OPCML: variants seen among roughly 807,000 people sequenced by gnomAD.
OPCML encodes opioid binding protein/cell adhesion molecule like, also known as opioid-binding protein/cell adhesion molecule.
A neutral mutation model predicts 37.8 loss-of-function variants in OPCML; 13 were observed. That is an observed-to-expected ratio of 0.34 (90% CI 0.22 to 0.55). The LOEUF (loss-of-function observed/expected upper bound fraction) is 0.55, where lower values mean the gene tolerates loss of function less well. Ranked by LOEUF, OPCML falls within the 20% of genes least tolerant of loss-of-function variation. The pLI is 0.91. For missense variants in OPCML, 341 were observed against 435.6 expected (o/e 0.78, Z 1.93); for synonymous variants, 176 against 168.8 (o/e 1.04, Z -0.33).
At chr11:132,603,207 C>G (rs1264668590) in intron 3 of OPCML, among the ~76,000 whole-genome samples, 1 of 152,114 alleles carries the variant, frequency 6.6e-6, no homozygotes, top group Admixed American at 6.6e-5. Flanking sequence ...TTTGTATATT[C>G]ACATGTCTGC....
At chr11:132,791,244 C>G (rs1013199228) in intron 2 of OPCML, among the ~76,000 whole-genome samples, 1 of 152,178 alleles carries the variant, frequency 6.6e-6, no homozygotes, top group Non-Finnish European at 1.5e-5. Context: ...CTTTTGGCCA[C>G]TTCACCTGAG....
intron 2 of OPCML, among the ~76,000 whole-genome samples, chr11:132,901,430 C>G (rs1944058024): frequency 6.6e-6 from 1 of 152,178 alleles, no homozygotes; most frequent in South Asian, 2.1e-4. Flanking sequence ...AACTGTTTCA[C>G]AAAGTTCTTC....
At chr11:132,842,008 G>A (rs1941314005) in intron 2 of OPCML, among the ~76,000 whole-genome samples, 1 of 151,554 alleles carries the variant, frequency 6.6e-6, no homozygotes, top group African/African-American at 2.4e-5. Context: ...TATCTTAAAT[G>A]TTTGAGGTGA....
At position 133,153,085 on chromosome 11, in the gene OPCML, T is replaced by C. The variant is rs149802099; in HGVS notation, c.62-210075A>G. On this transcript the variant is annotated intron_variant, in intron 1 of 7. Coordinates refer to ENST00000524381, the MANE Select transcript of OPCML (RefSeq NM_001012393.5). ...GCACCGCGAGGGTCTTGTGGGCGGCTCTGGAGGAGTTTCGCTTTGGCATCT... is the reference window on the plus strand; with the variant it reads ...GCACCGCGAGGGTCTTGTGGGCGGCCCTGGAGGAGTTTCGCTTTGGCATCT... Among the ~76,000 whole-genome samples, 551 of 152,206 alleles carry C rather than the reference T, an allele frequency of 3.6e-3. 1 individual carries two copies. The highest frequency in any genetic ancestry group is 5.5e-3 in the Non-Finnish European group (377 of 68,026).
At chr11:132,780,017 T>G (rs1946947678) in intron 2 of OPCML, among the ~76,000 whole-genome samples, 1 of 152,170 alleles carries the variant, frequency 6.6e-6, no homozygotes, top group Non-Finnish European at 1.5e-5. Flanking sequence ...TCACATAGTG[T>G]GTGAGAAAAA....
chr11:133,164,027 A>G (rs542112720), intron 1 of OPCML, among the ~76,000 whole-genome samples: 1 of 152,300 alleles, frequency 6.6e-6, no homozygotes, highest in East Asian at 1.9e-4. Flanking sequence ...TTCTACTTAA[A>G]ATAGAGCAGC....
intron 1 of OPCML, among the ~76,000 whole-genome samples, chr11:133,077,615 G>A (rs1591979665): frequency 1.3e-5 from 2 of 152,212 alleles, no homozygotes; most frequent in East Asian, 3.9e-4. Flanking sequence ...ACAGAATTAA[G>A]AATTTCTATT....
chr11:132,561,480 C>A (rs901098922), intron 3 of OPCML, among the ~76,000 whole-genome samples: 17 of 152,198 alleles, frequency 1.1e-4, no homozygotes, highest in African/African-American at 3.6e-4. Context: ...TGTCTGCCAT[C>A]CCCACTCAGT....
chr11:133,053,393 T>C (rs1304634865), intron 1 of OPCML, among the ~76,000 whole-genome samples: 2 of 152,200 alleles, frequency 1.3e-5, no homozygotes, highest in Non-Finnish European at 2.9e-5. Context: ...GTAACTGCCT[T>C]GTTTCTCTGC....
intron 3 of OPCML, among the ~76,000 whole-genome samples, chr11:132,562,708 G>A (rs556971876): frequency 6.6e-6 from 1 of 152,042 alleles, no homozygotes; most frequent in African/African-American, 2.4e-5. Flanking sequence ...CTTTTGATGT[G>A]GGTGGGTCCT....
In OPCML at chr11:132,900,622, C is replaced by T. The variant is rs564894543; in HGVS notation, c.146+42304G>A. On this transcript the variant is annotated intron_variant, in intron 2 of 7. Coordinates refer to ENST00000524381, the MANE Select transcript of OPCML (RefSeq NM_001012393.5). ...GAAGCTCCTAAATGTGCCTTACAGA[C>T]TTGGCACTGTCTCCGCACGCTGTGA... 2.6e-5 allele frequency among the ~76,000 whole-genome samples: 4 copies of T among 152,332 alleles called. No homozygotes were observed. In the East Asian group the frequency reaches 7.7e-4, roughly 29 times the overall value.
intron 1 of OPCML, among the ~76,000 whole-genome samples, chr11:132,984,315 A>C (rs1946645317): frequency 1.3e-5 from 2 of 152,202 alleles, no homozygotes; most frequent in Admixed American, 1.3e-4. Flanking sequence ...TGAATTTCAC[A>C]AATATTTATT....
At chr11:132,631,987 G>T (rs1329805303) in intron 3 of OPCML, among the ~76,000 whole-genome samples, 1 of 152,012 alleles carries the variant, frequency 6.6e-6, no homozygotes, top group Non-Finnish European at 1.5e-5. Context: ...TATAAGTTTT[G>T]TCCAGGTTTT....
chr11:133,519,636 G>T (rs2120689440), intron 1 of OPCML, among the ~76,000 whole-genome samples: 1 of 152,258 alleles, frequency 6.6e-6, no homozygotes, highest in South Asian at 2.1e-4. Context: ...GAACTCTCTT[G>T]TGTTTCTGCT....
intron 4 of OPCML, among the ~76,000 whole-genome samples, chr11:132,514,672 T>C (rs1037450617): frequency 4.6e-5 from 7 of 152,194 alleles, no homozygotes; most frequent in Non-Finnish European, 8.8e-5. Flanking sequence ...AAACTGCCTT[T>C]GTTCCAACTG....
intron 1 of OPCML, among the ~76,000 whole-genome samples, chr11:133,366,506 G>A (rs1463780927): frequency 6.6e-6 from 1 of 152,196 alleles, no homozygotes; most frequent in Non-Finnish European, 1.5e-5. Context: ...GAATTATACT[G>A]AGCTGGGGCT....
intron 1 of OPCML, among the ~76,000 whole-genome samples, chr11:132,967,258 T>G (rs117014671): frequency 0.021 from 3,238 of 152,194 alleles, 50 homozygotes; most frequent in Non-Finnish European, 0.034. Context: ...ACTTACTTAA[T>G]GCCAGTGAGA....
At chr11:133,041,966 A>G (rs1183328201) in intron 1 of OPCML, among the ~76,000 whole-genome samples, 1 of 152,116 alleles carries the variant, frequency 6.6e-6, no homozygotes, top group Non-Finnish European at 1.5e-5. Flanking sequence ...TCCAGGGATC[A>G]ATATCCAGTC....
chr11:133,230,124 T>TAA (rs1408436330), intron 1 of OPCML, among the ~76,000 whole-genome samples: 1 of 152,228 alleles, frequency 6.6e-6, no homozygotes, highest in Non-Finnish European at 1.5e-5. Context: ...ACCGTGGTCT[T>TAA]AGAGTTTAGT....
Sources: gnomAD v4.1 joint callset for allele counts (sites outside exome capture counted in the v4.1 genomes callset) on GRCh38, gnomAD v4.1.1 for gene constraint, MANE v1.5 for transcripts, NCBI Gene and HGNC (gene_info 2026-07-23, HGNC 2026-07-21) for gene names.